Variants in KLF9 observed in about 807,000 individuals in gnomAD.
The protein encoded by KLF9 is KLF transcription factor 9, also known as Krueppel-like factor 9.
In KLF9, 2 loss-of-function variants were observed where a neutral mutation model predicts 17.3. The observed-to-expected ratio is 0.12, with a 90% CI of 0.05 to 0.36. The LOEUF is 0.36. KLF9 is among the 10% of genes least tolerant of loss of function. KLF9 has a pLI of 1.00. For missense variants in KLF9, 226 were observed against 333.2 expected (o/e 0.68, Z 2.51); for synonymous variants, 138 against 139.2 (o/e 0.99, Z 0.06).
chr9:70,389,776 C>CA (rs1214256898), intron 1 of KLF9, among the ~76,000 whole-genome samples: 1 of 152,192 alleles, frequency 6.6e-6, no homozygotes, highest in African/African-American at 2.4e-5. Flanking sequence ...AAGTGACTGC[C>CA]ATCGCCCTGG....
intron 1 of KLF9, among the ~76,000 whole-genome samples, chr9:70,397,809 T>C (rs1013933965): frequency 6.6e-6 from 1 of 152,136 alleles, no homozygotes; most frequent in African/African-American, 2.4e-5. Flanking sequence ...AGCACCCCAT[T>C]TGTCCATCAC....
rs1032924959 is a variant in KLF9, at chr9:70,386,383, C to G, written c.*1393G>C. The G allele has an allele frequency of 8.5e-5, 13 of 152,578 alleles. No homozygotes were observed. The highest frequency in any genetic ancestry group is 3.1e-4 in the African/African-American group (13 of 41,432). The allele number at this position is 152,578 out of a possible 1,614,324, so 9.5% of individuals were successfully genotyped here. ...GGTGAGGCTATTGATGTAAAAGATA[C>G]AGTGATGTGATTTCATTCCTAGTAT... On this transcript the variant is annotated 3_prime_UTR_variant, in exon 2 of 2. Transcript: ENST00000377126.
chr9:70,410,817 T>C (rs781400008), intron 1 of KLF9, among the ~76,000 whole-genome samples: 1 of 152,214 alleles, frequency 6.6e-6, no homozygotes, highest in Non-Finnish European at 1.5e-5. Flanking sequence ...GTCTCTTATT[T>C]AAAGTAACCT....
At position 70,412,979 on chromosome 9, in the gene KLF9, G is replaced by A. The variant is rs755962487; in HGVS notation, c.385C>T (p.Pro129Ser). 1.9e-6 allele frequency: 3 copies of A among 1,614,188 alleles called. No homozygotes were observed. The highest frequency in any genetic ancestry group is 2.5e-6 in the Non-Finnish European group (3 of 1,180,034). Residue 129 changes from proline (P) to serine (S), a missense_variant, in exon 1 of 2, where the codon CCT becomes TCT. Coordinates refer to ENST00000377126, the MANE Select transcript of KLF9 (RefSeq NM_001206.4). Reference protein sequence around the residue: ...SAPSPLSLLHPGVAAKGKHAS... With the variant: ...SAPSPLSLLHSGVAAKGKHAS... ...TGTTTCCCCTTCGCAGCCACTCCAGGATGGAGGAGGGAGAGCGGGCTGGGC... is the reference window on the plus strand; with the variant it reads ...TGTTTCCCCTTCGCAGCCACTCCAGAATGGAGGAGGGAGAGCGGGCTGGGC...
rs1336572583 is a variant in KLF9 at position 70,386,446 on chromosome 9, C to T, written c.*1330G>A. The T allele has an allele frequency of 6.6e-6, 1 of 152,658 alleles. No homozygotes were observed. The highest frequency in any genetic ancestry group is 1.9e-4 in the East Asian group (1 of 5,196). The allele number at this position is 152,658 out of a possible 1,614,324, so 9.5% of individuals were successfully genotyped here. A position where few individuals can be genotyped will look rare whatever the true frequency, so the allele number is the denominator to read the frequency against. On this transcript the variant is annotated 3_prime_UTR_variant, in exon 2 of 2. Coordinates refer to ENST00000377126, the MANE Select transcript of KLF9 (RefSeq NM_001206.4). ...GCATTCTCCACAAGGGACGATTTTG[C>T]AGAGTCTCCTCTGAAATCATTGTGG...
At chr9:70,403,286 C>G (rs1471328413) in intron 1 of KLF9, among the ~76,000 whole-genome samples, 1 of 152,216 alleles carries the variant, frequency 6.6e-6, no homozygotes, top group Non-Finnish European at 1.5e-5. Flanking sequence ...ACAACTCCTT[C>G]CCCATTCTGG....
chr9:70,411,564 A>G (rs548718827), intron 1 of KLF9, among the ~76,000 whole-genome samples: 45 of 152,318 alleles, frequency 3.0e-4, no homozygotes, highest in African/African-American at 9.9e-4. Context: ...GCCAGCAGCC[A>G]CCTCCACAAG....
rs376080000 is a variant in KLF9 at position 70,413,154 on chromosome 9, C to G, written c.210G>C (p.Leu70=). 6.2e-7 allele frequency: 1 copy of G among 1,614,070 alleles called. No homozygotes were observed. The highest frequency in any genetic ancestry group is 1.3e-5 in the African/African-American group (1 of 74,930). ...LVTIAKSLLD[L]NKYRPIQTPS... ...GGGTCTGGATGGGTCGGTACTTGTT[C>G]AGGTCCAACAAGCTCTTGGCGATGG... The change falls in exon 1 of 2, where the codon CTG becomes CTC. Residue 70 remains leucine (L), a synonymous_variant. Transcript: ENST00000377126. The surrounding 1 kb of genome is among the most constrained non-coding windows in gnomAD (Gnocchi z 5.6).
chr9:70,390,120 A>T (rs113480554), intron 1 of KLF9, among the ~76,000 whole-genome samples: 21 of 152,372 alleles, frequency 1.4e-4, no homozygotes, highest in Middle Eastern at 3.4e-3. Flanking sequence ...TAATCTATTC[A>T]TGATGAAGGC....
intron 1 of KLF9, among the ~76,000 whole-genome samples, chr9:70,408,154 A>C (rs1226500466): frequency 1.3e-5 from 2 of 152,182 alleles, no homozygotes; most frequent in African/African-American, 4.8e-5. Flanking sequence ...TGAGCAGATC[A>C]CTTGAAGTCA....
chr9:70,400,330 C>T (rs970921702), intron 1 of KLF9, among the ~76,000 whole-genome samples: 6 of 152,152 alleles, frequency 3.9e-5, no homozygotes, highest in Admixed American at 2.0e-4. Flanking sequence ...AAGTGCATGA[C>T]AGACGTCTCA....
chr9:70,385,094 A>G lies in KLF9; in HGVS notation c.*2682T>C, dbSNP rs999938012. Reference sequence around the variant, plus strand: ...TTTTCTTTCTTTTTAAACACCTGCAATAGTCTTTCAAAAATTCAGTTTGGT... The same window carrying G: ...TTTTCTTTCTTTTTAAACACCTGCAGTAGTCTTTCAAAAATTCAGTTTGGT... On this transcript the variant is annotated 3_prime_UTR_variant, in exon 2 of 2. Coordinates refer to ENST00000377126, the MANE Select transcript of KLF9 (RefSeq NM_001206.4). The G allele has an allele frequency of 5.2e-5, 8 of 152,646 alleles. No individual in the cohort carries two copies. The highest frequency in any genetic ancestry group is 1.9e-4 in the African/African-American group (8 of 41,448). The allele number at this position is 152,646 out of a possible 1,614,324, so 9.5% of individuals were successfully genotyped here. A position where few individuals can be genotyped will look rare whatever the true frequency, so the allele number is the denominator to read the frequency against.
At chr9:70,409,019 T>C (rs1334909200) in intron 1 of KLF9, among the ~76,000 whole-genome samples, 2 of 134,112 alleles carry the variant, frequency 1.5e-5, no homozygotes, top group Admixed American at 1.6e-4. Context: ...TATACACATA[T>C]ATGTATATAT....
chr9:70,403,426 TG>T (rs1196586329), intron 1 of KLF9, among the ~76,000 whole-genome samples: 1 of 152,190 alleles, frequency 6.6e-6, no homozygotes, highest in Non-Finnish European at 1.5e-5. Context: ...GCTTAAAGCC[TG>T]GAACTTTTGC....
At chr9:70,390,823 C>G (rs1398694112) in intron 1 of KLF9, among the ~76,000 whole-genome samples, 1 of 152,184 alleles carries the variant, frequency 6.6e-6, no homozygotes, top group East Asian at 1.9e-4. Flanking sequence ...TAAACATGTT[C>G]TATGAAAAAT....
rs565797440 is a variant in KLF9 at position 70,385,067 on chromosome 9, A to G, written c.*2709T>C. ...ACTACTTACAGTATTAGATAAAACA[A>G]CTTTTCTTTCTTTTTAAACACCTGC... On this transcript the variant is annotated 3_prime_UTR_variant, in exon 2 of 2. Transcript: ENST00000377126. The G allele has an allele frequency of 5.4e-4, 82 of 152,696 alleles. No homozygotes were observed. The highest frequency in any genetic ancestry group is 1.9e-3 in the African/African-American group (78 of 41,560). The allele number at this position is 152,696 out of a possible 1,614,324, so 9.5% of individuals were successfully genotyped here.
chr9:70,408,015 C>T (rs150817772), intron 1 of KLF9, among the ~76,000 whole-genome samples: 264 of 152,240 alleles, frequency 1.7e-3, no homozygotes, highest in African/African-American at 5.5e-3. Flanking sequence ...GCTATTACAA[C>T]GATTTGTCGC....
At position 70,403,548 on chromosome 9, in the gene KLF9, C is replaced by A. The variant is rs115983657; in HGVS notation, c.505+9311G>T. 2.0e-3 allele frequency among the ~76,000 whole-genome samples: 310 copies of A among 152,330 alleles called. 1 individual carries two copies. Among genetic ancestry groups the A allele is most frequent in the African/African-American group, 7.1e-3 (297 of 41,576 alleles). On this transcript the variant is annotated intron_variant, in intron 1 of 1. Transcript: ENST00000377126. ...CACCACTATTTGGAGACAGCCCCCA[C>A]CAACCCCATGAATGAGGCTGTAGCA...
chr9:70,409,011 T>A (rs149066328), intron 1 of KLF9, among the ~76,000 whole-genome samples: 1 of 106,128 alleles, frequency 9.4e-6, no homozygotes, highest in African/African-American at 3.4e-5. Context: ...TATATATATA[T>A]ACACATATAT....
Sources: allele counts gnomAD v4.1 joint callset (sites outside exome capture counted in the v4.1 genomes callset), GRCh38; gene constraint gnomAD v4.1.1; non-coding constraint Gnocchi (gnomAD v3.1); transcripts MANE v1.5; gene names NCBI Gene and HGNC (gene_info 2026-07-23, HGNC 2026-07-21).